Variants in PAX2 observed in about 807,000 individuals in gnomAD.
PAX2 encodes the protein paired box protein Pax-2.
In PAX2, 9 loss-of-function variants were observed where a neutral mutation model predicts 41.7. The ratio of observed to expected loss-of-function variants is 0.22; its 90% CI spans 0.13 to 0.38. The LOEUF is 0.38. Ranked by LOEUF, PAX2 falls within the 10% of genes least tolerant of loss-of-function variation. The pLI is 1.00. For synonymous variants in PAX2, 221 were observed against 212.7 expected (o/e 1.04, Z -0.34); for missense variants, 418 against 531.6 (o/e 0.79, Z 2.10).
chr10:100,791,877 C>T lies in PAX2; in HGVS notation c.616+10512C>T, dbSNP rs1191427875. ...GACTGGTGGTGTGGGGAGCCGAGGG[C>T]ACTGTGGGCCACCTGGGGCAGCCAG... is the stretch of plus-strand genomic sequence containing the variant. On this transcript the variant is annotated intron_variant, in intron 5 of 9. Coordinates refer to ENST00000355243, the MANE Select transcript of PAX2 (RefSeq NM_000278.5). The surrounding 1 kb of genome is among the most constrained non-coding windows in gnomAD (Gnocchi z 4.5). Among the ~76,000 whole-genome samples the T allele has an allele frequency of 6.6e-6, 1 of 152,184 alleles. No individual in the cohort carries two copies. The highest frequency in any genetic ancestry group is 2.4e-5 in the African/African-American group (1 of 41,450).
At chr10:100,812,588 G>A (rs984896619) in intron 7 of PAX2, among the ~76,000 whole-genome samples, 6 of 152,266 alleles carry the variant, frequency 3.9e-5, no homozygotes, top group South Asian at 2.1e-4. Flanking sequence ...GTGAGGACTC[G>A]CTCCAACTGC....
Position 100,748,851 on chromosome 10 carries a change from G to T in PAX2, c.44-895G>T. On this transcript the variant is annotated intron_variant, in intron 1 of 9. Coordinates refer to ENST00000355243, the MANE Select transcript of PAX2 (RefSeq NM_000278.5). The surrounding 1 kb of genome is among the most constrained non-coding windows in gnomAD (Gnocchi z 5.0). The stretch of plus-strand genomic sequence containing the variant: ...CGGGTTTGGGTCGGCTACACAGGGC[G>T]CCCCGAGAGTTATTAACTCGCCAGC... 1.0e-6 allele frequency: 1 copy of T among 985,424 alleles called. No individual in the cohort carries two copies. The highest frequency in any genetic ancestry group is 1.1e-4 in the East Asian group (1 of 8,800). The allele number at this position is 985,424 out of a possible 1,614,324, so 61.0% of individuals were successfully genotyped here. A position where few individuals can be genotyped will look rare whatever the true frequency, so the allele number is the denominator to read the frequency against.
At chr10:100,744,786 G>A (rs1845089896), upstream of PAX2, among the ~76,000 whole-genome samples, 1 of 152,236 alleles carries the variant, frequency 6.6e-6, no homozygotes, top group South Asian at 2.1e-4. Context: ...CGAGGCAGGT[G>A]GGTACTCGCC....
chr10:100,752,038 T>C (rs1397803546), intron 3 of PAX2, among the ~76,000 whole-genome samples: 2 of 152,220 alleles, frequency 1.3e-5, no homozygotes, highest in Non-Finnish European at 1.5e-5. Context: ...ATTTTGCAAA[T>C]GATATGGAAT....
chr10:100,811,112 A>G (rs1847976644), intron 7 of PAX2, among the ~76,000 whole-genome samples: 2 of 152,250 alleles, frequency 1.3e-5, no homozygotes, highest in South Asian at 4.2e-4. Context: ...GAAATTACCA[A>G]AAAGAGACAA....
Position 100,824,802 on chromosome 10 carries a change from G to A in PAX2, c.1021+53G>A, listed in dbSNP as rs751721035. On this transcript the variant is annotated intron_variant, in intron 8 of 9. Transcript: ENST00000355243. This position sits in a 1 kb window ranked among gnomAD's most constrained non-coding sequence, Gnocchi z 6.6. ...TCTAGGTGGGGGGAACTAAATTGTG[G>A]GTGAGCTGCTGAATGGTCTGTAGTC... 9 of 1,499,526 alleles carry A rather than the reference G, an allele frequency of 6.0e-6. No individual in the cohort carries two copies. In the South Asian group the frequency reaches 7.9e-5, roughly 13 times the overall value. The allele number at this position is 1,499,526 out of a possible 1,614,324, so 92.9% of individuals were successfully genotyped here.
chr10:100,779,608 GAAA>G, intron 4 of PAX2, 25 bp downstream of exon 4: 1 of 1,522,016 alleles, frequency 6.6e-7, no homozygotes, highest in Non-Finnish European at 9.0e-7. Flanking sequence ...GGAAGGGGAG[GAAA>G]CCAGATCCCA....
At chr10:100,809,585 C>A (rs1847921527) in intron 7 of PAX2, among the ~76,000 whole-genome samples, 1 of 152,200 alleles carries the variant, frequency 6.6e-6, no homozygotes, top group African/African-American at 2.4e-5. Flanking sequence ...GCAAATAAGC[C>A]AGGCTGGTGA....
At chr10:100,787,122 G>T in intron 5 of PAX2, 1 of 509,022 alleles carries the variant, frequency 2.0e-6, no homozygotes, top group Non-Finnish European at 3.6e-6. Context: ...TGGAAAAGGA[G>T]GAGTTGGCTC....
upstream of PAX2, among the ~76,000 whole-genome samples, chr10:100,741,409 C>CA (rs71013465): frequency 0.029 from 3,168 of 111,080 alleles, 42 homozygotes; most frequent in Non-Finnish European, 0.035. Flanking sequence ...GAAGCTCTTC[C>CA]AAAAAAAAAA....
In PAX2 at chr10:100,746,069, C is replaced by G; in HGVS notation, c.-192C>G. ...GTTGCGGCTACTGCAGTTGCAAGCT[C>G]CGGCCAACCCGGAGGAGCCCCAGCG... is the stretch of plus-strand genomic sequence containing the variant. On this transcript the variant is annotated 5_prime_UTR_variant, in exon 1 of 10. Coordinates refer to ENST00000355243, the MANE Select transcript of PAX2 (RefSeq NM_000278.5). The G allele has an allele frequency of 6.7e-7, 1 of 1,483,576 alleles. No individual in the cohort carries two copies. Among genetic ancestry groups the G allele is most frequent in the Non-Finnish European group, 8.9e-7 (1 of 1,126,140 alleles). The allele number at this position is 1,483,576 out of a possible 1,614,324, so 91.9% of individuals were successfully genotyped here. A position where few individuals can be genotyped will look rare whatever the true frequency, so the allele number is the denominator to read the frequency against.
rs1848589846 is a variant in PAX2, at chr10:100,826,933, A to C, written c.1022-76A>C. ...GAGACCCGGCGGGAGGAGCGGGCGG[A>C]GAAGCCACCGGCCGGACTCGTGGGG... On this transcript the variant is annotated intron_variant, in intron 8 of 9. Transcript: ENST00000355243. This position sits in a 1 kb window ranked among gnomAD's most constrained non-coding sequence, Gnocchi z 5.5. 2.0e-6 allele frequency: 2 copies of C among 984,610 alleles called. No homozygotes were observed. The highest frequency in any genetic ancestry group is 3.5e-5 in the Admixed American group (2 of 56,768). The allele number at this position is 984,610 out of a possible 1,614,324, so 61.0% of individuals were successfully genotyped here. A position where few individuals can be genotyped will look rare whatever the true frequency, so the allele number is the denominator to read the frequency against.
Position 100,828,074 on chromosome 10 carries a change from C to T in PAX2, c.*455C>T. On this transcript the variant is annotated 3_prime_UTR_variant, in exon 10 of 10. Coordinates refer to ENST00000355243, the MANE Select transcript of PAX2 (RefSeq NM_000278.5). The surrounding 1 kb of genome is among the most constrained non-coding windows in gnomAD (Gnocchi z 6.5). ...CGGGCACCCGCCTCGGACGCTCGGGCGCCAGGAGGCTTCGCTGGAGGGGCT... is the reference window on the plus strand; with the variant it reads ...CGGGCACCCGCCTCGGACGCTCGGGTGCCAGGAGGCTTCGCTGGAGGGGCT... The T allele has an allele frequency of 4.2e-6, 1 of 235,414 alleles. No individual in the cohort carries two copies. Among genetic ancestry groups the T allele is most frequent in the Non-Finnish European group, 8.3e-6 (1 of 120,794 alleles). 14.6% of individuals were successfully genotyped at this position (235,414 alleles called of 1,614,324 possible). A position where few individuals can be genotyped will look rare whatever the true frequency, so the allele number is the denominator to read the frequency against.
rs1005595198 is a variant in PAX2, at chr10:100,826,512, GA to G, written c.1022-496del. Among the ~76,000 whole-genome samples the G allele has an allele frequency of 2.6e-5, 4 of 152,046 alleles. No homozygotes were observed. The highest frequency in any genetic ancestry group is 9.7e-5 in the African/African-American group (4 of 41,394). On this transcript the variant is annotated intron_variant, in intron 8 of 9. Coordinates refer to ENST00000355243, the MANE Select transcript of PAX2 (RefSeq NM_000278.5). This position sits in a 1 kb window ranked among gnomAD's most constrained non-coding sequence, Gnocchi z 5.5. ...GGCGGGAGGGCGGTGTCTCCCAAAA[GA>G]GCTCCCACCTCTTGTGTTGGCACTG...
At chr10:100,782,006 A>G (rs937554177) in intron 5 of PAX2, among the ~76,000 whole-genome samples, 1 of 152,122 alleles carries the variant, frequency 6.6e-6, no homozygotes, top group South Asian at 2.1e-4. Context: ...GAAAAGAAAT[A>G]AGGGGGAGAG....
upstream of PAX2, among the ~76,000 whole-genome samples, chr10:100,745,298 C>T (rs897895283): frequency 1.1e-4 from 17 of 152,278 alleles, no homozygotes; most frequent in African/African-American, 3.9e-4. Context: ...CTCCCATTCC[C>T]CCTCCCCCGG....
chr10:100,827,030 C>G lies in PAX2; in HGVS notation c.1043C>G (p.Pro348Arg). Residue 348 changes from proline (P) to arginine (R), a missense_variant, in exon 9 of 10, where the codon CCG becomes CGG. Transcript: ENST00000355243. The surrounding 1 kb of genome is among the most constrained non-coding windows in gnomAD (Gnocchi z 8.5). ...GCAGGGAGCGAGTTCTCCGGCAACC[C>G]GTACAGCCACCCCCAGTACACGGCC... ...MVPGSEFSGNPYSHPQYTAYN... is the reference protein window; with the variant it reads ...MVPGSEFSGNRYSHPQYTAYN... The G allele has an allele frequency of 6.2e-7, 1 of 1,613,560 alleles. No homozygotes were observed. Among genetic ancestry groups the G allele is most frequent in the Non-Finnish European group, 8.5e-7 (1 of 1,179,496 alleles).
In PAX2 at chr10:100,827,195, C is replaced by T; in HGVS notation, c.1108+100C>T. ...CCCGACCTCTGGGGACCCGGCCGGGCCAGGGGGACAGGCTTGTTAGTGCAG... is the reference window on the plus strand; with the variant it reads ...CCCGACCTCTGGGGACCCGGCCGGGTCAGGGGGACAGGCTTGTTAGTGCAG... On this transcript the variant is annotated intron_variant, in intron 9 of 9. Transcript: ENST00000355243. This position sits in a 1 kb window ranked among gnomAD's most constrained non-coding sequence, Gnocchi z 8.5. 1.0e-6 allele frequency: 1 copy of T among 965,364 alleles called. No individual in the cohort carries two copies. 59.8% of individuals were successfully genotyped at this position (965,364 alleles called of 1,614,324 possible). A position where few individuals can be genotyped will look rare whatever the true frequency, so the allele number is the denominator to read the frequency against.
chr10:100,744,551 C>T (rs192257021), upstream of PAX2, among the ~76,000 whole-genome samples: 1 of 152,350 alleles, frequency 6.6e-6, no homozygotes, highest in East Asian at 1.9e-4. Flanking sequence ...GTGGTTGCGC[C>T]TCCTGCGCTC....
Sources: allele counts gnomAD v4.1 joint callset (sites outside exome capture counted in the v4.1 genomes callset), GRCh38; gene constraint gnomAD v4.1.1; non-coding constraint Gnocchi (gnomAD v3.1); transcripts MANE v1.5; gene names NCBI Gene and HGNC (gene_info 2026-07-23, HGNC 2026-07-21).